The following ZBBX variants were observed in gnomAD, a reference collection of about 807,000 sequenced individuals.
ZBBX encodes zinc finger B-box domain containing, also known as zinc finger B-box domain-containing protein 1.
In ZBBX, 101 loss-of-function variants were observed where a neutral mutation model predicts 108.5. That is an observed-to-expected ratio of 0.93 (90% CI 0.79 to 1.10). The LOEUF (loss-of-function observed/expected upper bound fraction) is 1.10, where lower values mean the gene tolerates loss of function less well. Among genes scored for constraint, ZBBX ranks in the 50% least tolerant of loss-of-function variants. ZBBX has a pLI of 0.00. For missense variants in ZBBX, 1,009 were observed against 941.4 expected (o/e 1.07, Z -0.94); for synonymous variants, 356 against 323.4 (o/e 1.10, Z -1.08).
intron 9 of ZBBX, among the ~76,000 whole-genome samples, chr3:167,337,001 C>G (rs902751593): frequency 9.9e-5 from 15 of 152,142 alleles, no homozygotes; most frequent in Non-Finnish European, 2.2e-4. Context: ...TATTCTATAT[C>G]TATGAGTATG....
chr3:167,262,750 AT>A (rs1347042426), intron 20 of ZBBX, among the ~76,000 whole-genome samples: 10 of 152,170 alleles, frequency 6.6e-5, no homozygotes, highest in African/African-American at 2.2e-4. Context: ...GTTTATTGTT[AT>A]ATAATTGCCA....
intron 4 of ZBBX, chr3:167,368,801 A>C: frequency 9.4e-7 from 1 of 1,064,798 alleles, no homozygotes; most frequent in Non-Finnish European, 1.2e-6. Context: ...TAATTATTAC[A>C]TTGCTAGGGG....
At chr3:167,236,930 G>C (rs1160440474), downstream of ZBBX, among the ~76,000 whole-genome samples, 2 of 151,858 alleles carry the variant, frequency 1.3e-5, no homozygotes, top group Non-Finnish European at 2.9e-5. Flanking sequence ...AATTTGGATA[G>C]AGATTAGATA....
chr3:167,372,106 G>C (rs1366285805), intron 4 of ZBBX, among the ~76,000 whole-genome samples: 3 of 152,168 alleles, frequency 2.0e-5, no homozygotes, highest in African/African-American at 4.8e-5. Flanking sequence ...AGCTACTCCG[G>C]TGGCTGAGGC....
intron 14 of ZBBX, among the ~76,000 whole-genome samples, chr3:167,316,362 A>G (rs542154878): frequency 1.3e-5 from 2 of 152,230 alleles, no homozygotes; most frequent in South Asian, 4.1e-4. Flanking sequence ...CATTTTCTTA[A>G]CAACCACAGT....
At chr3:167,369,220 C>G (rs140702199) in intron 4 of ZBBX, among the ~76,000 whole-genome samples, 5,199 of 152,226 alleles carry the variant, frequency 0.034, 100 homozygotes, top group Non-Finnish European at 0.054. Context: ...TATTAGCCAC[C>G]GACTCTTTCT....
intron 11 of ZBBX, among the ~76,000 whole-genome samples, chr3:167,323,250 G>GGGA (rs1736788692): frequency 1.1e-5 from 1 of 92,914 alleles, no homozygotes; most frequent in Non-Finnish European, 2.3e-5. Flanking sequence ...GGGGGGGGGG[G>GGGA]AAAGAACTCT....
intron 10 of ZBBX, among the ~76,000 whole-genome samples, chr3:167,329,845 C>T (rs979214852): frequency 7.9e-5 from 12 of 152,118 alleles, no homozygotes; most frequent in African/African-American, 2.7e-4. Context: ...TCCCATATAC[C>T]AGTGTGGCAA....
At chr3:167,337,776 T>C (rs1055661351) in intron 9 of ZBBX, among the ~76,000 whole-genome samples, 12 of 152,154 alleles carry the variant, frequency 7.9e-5, no homozygotes, top group African/African-American at 2.4e-4. Flanking sequence ...ACAATAATCA[T>C]TTTGAGTAAC....
chr3:167,255,078 A>G (rs1297688440), intron 20 of ZBBX, among the ~76,000 whole-genome samples: 5 of 152,164 alleles, frequency 3.3e-5, no homozygotes, highest in Non-Finnish European at 7.4e-5. Flanking sequence ...TGTAGCAGGT[A>G]TTCTCAAATA....
At chr3:167,224,246 G>C in the ZBBX span, among the ~76,000 whole-genome samples, 1 of 151,720 alleles carries the variant, frequency 6.6e-6, no homozygotes, top group Non-Finnish European at 1.5e-5. Context: ...ATTTATACGT[G>C]CTTACTTCCA....
the ZBBX span, among the ~76,000 whole-genome samples, chr3:167,233,651 A>C: frequency 6.6e-6 from 1 of 151,894 alleles, no homozygotes; most frequent in African/African-American, 2.4e-5. Context: ...CCCCCCTTTA[A>C]GTATCTTGAG....
At chr3:167,350,813 T>G (rs1056607252) in intron 8 of ZBBX, among the ~76,000 whole-genome samples, 4 of 152,108 alleles carry the variant, frequency 2.6e-5, no homozygotes, top group African/African-American at 9.7e-5. Context: ...CATGGATGTA[T>G]GCATAGTTTC....
At chr3:167,335,162 C>T (rs1739349139) in intron 9 of ZBBX, among the ~76,000 whole-genome samples, 1 of 152,072 alleles carries the variant, frequency 6.6e-6, no homozygotes, top group Non-Finnish European at 1.5e-5. Flanking sequence ...CCTCATATCA[C>T]ATAAGCTCAC....
At chr3:167,316,087 ACC>A (rs1735405122) in intron 14 of ZBBX, among the ~76,000 whole-genome samples, 1 of 152,098 alleles carries the variant, frequency 6.6e-6, no homozygotes. Flanking sequence ...TGTAGCTACT[ACC>A]TGCCAAGTAG....
At chr3:167,322,555 T>C (rs1736626412) in intron 11 of ZBBX, among the ~76,000 whole-genome samples, 1 of 151,962 alleles carries the variant, frequency 6.6e-6, no homozygotes, top group Admixed American at 6.6e-5. Context: ...AACACATACA[T>C]AAAGGTATAA....
At chr3:167,366,511 A>G (rs1745336447) in intron 5 of ZBBX, among the ~76,000 whole-genome samples, 1 of 151,890 alleles carries the variant, frequency 6.6e-6, no homozygotes, top group African/African-American at 2.4e-5. Flanking sequence ...ATAACAAAAT[A>G]TTTTTGAAGT....
chr3:167,231,384 T>C, the ZBBX span, among the ~76,000 whole-genome samples: 119 of 151,836 alleles, frequency 7.8e-4, no homozygotes, highest in Non-Finnish European at 1.4e-3. Context: ...TTAAGAATAT[T>C]TGAAGCACAA....
At chr3:167,206,072 G>T in the ZBBX span, among the ~76,000 whole-genome samples, 1 of 151,740 alleles carries the variant, frequency 6.6e-6, no homozygotes, top group Non-Finnish European at 1.5e-5. Flanking sequence ...GTCCTTATTT[G>T]GTTTATCAGA....
Sources: gnomAD v4.1 joint callset for allele counts (sites outside exome capture counted in the v4.1 genomes callset) on GRCh38, gnomAD v4.1.1 for gene constraint, MANE v1.5 for transcripts, NCBI Gene and HGNC (gene_info 2026-07-23, HGNC 2026-07-21) for gene names.